The following NEK11 variants were observed in gnomAD, a reference collection of about 807,000 sequenced individuals.
NEK11 encodes NIMA related kinase 11, also known as serine/threonine-protein kinase Nek11.
Under a neutral mutation model 80.7 loss-of-function variants are expected in NEK11, and 72 were observed. The observed-to-expected ratio is 0.89, with a 90% CI of 0.74 to 1.08. The LOEUF (loss-of-function observed/expected upper bound fraction) is 1.08, where lower values mean the gene tolerates loss of function less well. NEK11 is among the 50% of genes least tolerant of loss of function. NEK11 has a pLI of 0.00. For missense variants in NEK11, 764 were observed against 763.6 expected, an observed-to-expected ratio of 1.00 and a Z score of -0.01; for synonymous variants, 251 against 260.7, an observed-to-expected ratio of 0.96 and a Z score of 0.36.
Position 131,285,197 on chromosome 3 carries a change from G to A in NEK11, c.1718+11623G>A, listed in dbSNP as rs147147888. On this transcript the variant is annotated intron_variant, in intron 17 of 17. Transcript: ENST00000383366. ...AGCAGGTGGGCCCATTGGAAAGGAGGCTCTGAGATGATTTTCATGTGGAAA... is the reference window on the plus strand; with the variant it reads ...AGCAGGTGGGCCCATTGGAAAGGAGACTCTGAGATGATTTTCATGTGGAAA... Among the ~76,000 whole-genome samples the A allele has an allele frequency of 6.6e-5, 10 of 152,310 alleles. No individual in the cohort carries two copies. In the East Asian group the frequency reaches 1.9e-3, roughly 29 times the overall value.
At chr3:131,277,570 T>C (rs748566507) in intron 17 of NEK11, among the ~76,000 whole-genome samples, 6 of 152,248 alleles carry the variant, frequency 3.9e-5, no homozygotes, top group Non-Finnish European at 5.9e-5. Context: ...TCGTCTCCTC[T>C]ATGAAGAAGT....
At chr3:131,343,350 GA>G (rs2110437803) in intron 17 of NEK11, among the ~76,000 whole-genome samples, 1 of 152,308 alleles carries the variant, frequency 6.6e-6, no homozygotes, top group African/African-American at 2.4e-5. Flanking sequence ...TAGGAGCAGG[GA>G]GGATCCCTTA....
rs200788487 is a variant in NEK11, at chr3:131,290,086, A to G, written c.1718+16512A>G. Among the ~76,000 whole-genome samples, 5 of 152,220 alleles carry G rather than the reference A, an allele frequency of 3.3e-5. No individual in the cohort carries two copies. In the East Asian group the frequency reaches 7.7e-4, roughly 23 times the overall value. On this transcript the variant is annotated intron_variant, in intron 17 of 17. Transcript: ENST00000383366. ...AGCCAACTCATTATCCAGGTCTCTG[A>G]ACAGACAAATAATTATGAGACACTG... is the stretch of plus-strand genomic sequence containing the variant.
At chr3:131,090,952 T>C (rs189883373) in intron 4 of NEK11, among the ~76,000 whole-genome samples, 45 of 152,316 alleles carry the variant, frequency 3.0e-4, no homozygotes, top group Non-Finnish European at 6.0e-4. Context: ...TTTTTAGAGA[T>C]GGGATCTTGC....
At chr3:131,129,674 A>G (rs1396453732) in intron 5 of NEK11, among the ~76,000 whole-genome samples, 4 of 152,150 alleles carry the variant, frequency 2.6e-5, no homozygotes, top group African/African-American at 9.6e-5. Context: ...ATGAATGCCC[A>G]GTTGTTCCAG....
At chr3:131,092,082 T>C (rs1053228291) in intron 4 of NEK11, among the ~76,000 whole-genome samples, 1 of 152,236 alleles carries the variant, frequency 6.6e-6, no homozygotes, top group Non-Finnish European at 1.5e-5. Context: ...GGAGGCAGCT[T>C]CAGGCCAAAT....
Position 131,273,500 on chromosome 3 carries a change from G to A in NEK11, c.1644G>A (p.Met548Ile), listed in dbSNP as rs1441715231. 1 of 1,613,872 alleles carries A rather than the reference G, an allele frequency of 6.2e-7. No homozygotes were observed. ...CAGACACAAAGACCATCACCACCAT[G>A]GCTGAAGACATGTCCCCAGGACCAC... ...TSLDTKTITT[M>I]AEDMSPGPPI... Residue 548 changes from methionine (M) to isoleucine (I), a missense_variant, in exon 17 of 18, where the codon ATG (methionine) becomes ATA (isoleucine). Coordinates refer to ENST00000383366, the MANE Select transcript of NEK11 (RefSeq NM_024800.5).
intron 3 of NEK11, among the ~76,000 whole-genome samples, chr3:131,079,544 T>A (rs1023549282): frequency 2.0e-5 from 3 of 152,206 alleles, no homozygotes; most frequent in African/African-American, 7.2e-5. Flanking sequence ...CTAAAGTATT[T>A]TTTCCTATAG....
At chr3:131,208,446 G>A (rs1271290556) in intron 14 of NEK11, among the ~76,000 whole-genome samples, 4 of 152,096 alleles carry the variant, frequency 2.6e-5, no homozygotes, top group South Asian at 4.1e-4. Context: ...TAGCAATGTG[G>A]GCTCTTTTTT....
At chr3:131,311,121 G>A (rs1360287793) in intron 17 of NEK11, among the ~76,000 whole-genome samples, 3 of 151,892 alleles carry the variant, frequency 2.0e-5, no homozygotes, top group African/African-American at 7.3e-5. Flanking sequence ...TTTTCAAAAA[G>A]TTTTTAAACC....
At chr3:131,324,248 G>A (rs2096931562) in intron 17 of NEK11, among the ~76,000 whole-genome samples, 1 of 151,922 alleles carries the variant, frequency 6.6e-6, no homozygotes. Context: ...CTGCCGGCCA[G>A]GACCAGGCCT....
At chr3:131,088,623 T>C (rs926104600) in intron 4 of NEK11, among the ~76,000 whole-genome samples, 2 of 152,204 alleles carry the variant, frequency 1.3e-5, no homozygotes, top group Non-Finnish European at 2.9e-5. Context: ...AAAGCATTAT[T>C]TCACATTATT....
At chr3:131,249,797 A>G (rs1234729474) in intron 16 of NEK11, among the ~76,000 whole-genome samples, 5 of 152,090 alleles carry the variant, frequency 3.3e-5, no homozygotes, top group Admixed American at 1.3e-4. Context: ...CCAGTTGACA[A>G]TCTCTGAATC....
chr3:131,316,457 G>T (rs1040467845), intron 17 of NEK11, among the ~76,000 whole-genome samples: 1 of 152,134 alleles, frequency 6.6e-6, no homozygotes, highest in Non-Finnish European at 1.5e-5. Context: ...TGACACAGAA[G>T]GTACATTTAA....
intron 16 of NEK11, among the ~76,000 whole-genome samples, chr3:131,269,311 A>G (rs781113461): frequency 6.6e-6 from 1 of 152,150 alleles, no homozygotes; most frequent in Non-Finnish European, 1.5e-5. Context: ...GTGCCACTGG[A>G]GTATGAAAAA....
intron 5 of NEK11, among the ~76,000 whole-genome samples, chr3:131,112,584 A>G (rs2080314505): frequency 6.6e-6 from 1 of 152,190 alleles, no homozygotes; most frequent in Non-Finnish European, 1.5e-5. Flanking sequence ...CTAGTTTAAA[A>G]CAAGTGATAA....
At chr3:131,138,727 A>G (rs1337579351) in intron 7 of NEK11, among the ~76,000 whole-genome samples, 9 of 152,164 alleles carry the variant, frequency 5.9e-5, no homozygotes, top group Admixed American at 5.9e-4. Flanking sequence ...AGAGAACAAG[A>G]GTCTTTGCCT....
chr3:131,207,601 A>G (rs928740433), intron 14 of NEK11, among the ~76,000 whole-genome samples: 3 of 151,756 alleles, frequency 2.0e-5, no homozygotes, highest in East Asian at 1.9e-4. Context: ...AAGTGTTCCT[A>G]TTTCTCCACA....
chr3:131,236,709 C>T (rs2107972278), intron 15 of NEK11, among the ~76,000 whole-genome samples: 1 of 152,294 alleles, frequency 6.6e-6, no homozygotes. Context: ...TCACCGCACA[C>T]ACTTTAAGGC....
Sources: gnomAD v4.1 joint callset for allele counts (sites outside exome capture counted in the v4.1 genomes callset) on GRCh38, gnomAD v4.1.1 for gene constraint, MANE v1.5 for transcripts, NCBI Gene and HGNC (gene_info 2026-07-23, HGNC 2026-07-21) for gene names.